GNAZ: variants seen among roughly 807,000 people sequenced by gnomAD.
The protein encoded by GNAZ is guanine nucleotide-binding protein G(z) subunit alpha.
In GNAZ, 3 loss-of-function variants were observed where a neutral mutation model predicts 25.4. The ratio of observed to expected loss-of-function variants is 0.12; its 90% CI spans 0.05 to 0.30. GNAZ has a LOEUF of 0.30. Ranked by LOEUF, GNAZ falls within the 10% of genes least tolerant of loss-of-function variation. The pLI is 1.00. For missense variants in GNAZ, 241 were observed against 501.8 expected (o/e 0.48, Z 4.97); for synonymous variants, 211 against 205.7 (o/e 1.03, Z -0.22).
chr22:23,081,522 GGTTATAGGCCAATAT>G (rs2068677168), intron 1 of GNAZ, among the ~76,000 whole-genome samples: 1 of 139,886 alleles, frequency 7.1e-6, no homozygotes, highest in African/African-American at 3.4e-5. Flanking sequence ...AGGCCAATCA[GGTTATAGGCCAATAT>G]GTTATAGGCC....
At position 23,096,981 on chromosome 22, in the gene GNAZ, G is replaced by A. The variant is rs1018287149; in HGVS notation, c.723+563G>A. 5.3e-5 allele frequency among the ~76,000 whole-genome samples: 8 copies of A among 152,234 alleles called. No homozygotes were observed. In the East Asian group the frequency reaches 1.3e-3, roughly 26 times the overall value. ...AGAGTGGAGTTGCTGGAGAGGGTGG[G>A]GAGCCGGGTGAAGCAGCAGGGCAGT... On this transcript the variant is annotated intron_variant, in intron 2 of 2. Transcript: ENST00000615612.
At chr22:23,116,345 G>A (rs1205949496) in intron 2 of GNAZ, among the ~76,000 whole-genome samples, 1 of 152,268 alleles carries the variant, frequency 6.6e-6, no homozygotes, top group Non-Finnish European at 1.5e-5. Context: ...GTCCGCCTGA[G>A]GGGCCCAGAA....
intron 2 of GNAZ, among the ~76,000 whole-genome samples, chr22:23,121,953 G>C (rs2070041577): frequency 6.6e-6 from 1 of 152,010 alleles, no homozygotes; most frequent in South Asian, 2.1e-4. Context: ...GGCTGGTCTT[G>C]AACTCCTGAC....
chr22:23,119,727 C>A (rs180728497), intron 2 of GNAZ, among the ~76,000 whole-genome samples: 3 of 152,232 alleles, frequency 2.0e-5, no homozygotes, highest in Non-Finnish European at 4.4e-5. Flanking sequence ...GTGCTTCCCA[C>A]GCTCTGAAGC....
intron 2 of GNAZ, among the ~76,000 whole-genome samples, chr22:23,110,328 C>T (rs1472175852): frequency 2.0e-5 from 3 of 152,154 alleles, no homozygotes; most frequent in South Asian, 2.1e-4. Flanking sequence ...GAGGGCATCA[C>T]GGCAGCCCCC....
At position 23,112,053 on chromosome 22, in the gene GNAZ, A is replaced by C. The variant is rs535084689; in HGVS notation, c.724-11034A>C. Among the ~76,000 whole-genome samples the C allele has an allele frequency of 1.8e-4, 27 of 152,196 alleles. 1 individual carries two copies. The highest frequency in any genetic ancestry group is 3.3e-4 in the Admixed American group (5 of 15,286). ...CTGGAGCCTTGGGGGTAACCAGGAAAGGACAGGCACTGCCCCTGGCATTCA... is the reference window on the plus strand; with the variant it reads ...CTGGAGCCTTGGGGGTAACCAGGAACGGACAGGCACTGCCCCTGGCATTCA... On this transcript the variant is annotated intron_variant, in intron 2 of 2. Coordinates refer to ENST00000615612, the MANE Select transcript of GNAZ (RefSeq NM_002073.4).
At chr22:23,117,559 G>A (rs1216031778) in intron 2 of GNAZ, among the ~76,000 whole-genome samples, 1 of 152,218 alleles carries the variant, frequency 6.6e-6, no homozygotes, top group Non-Finnish European at 1.5e-5. Flanking sequence ...ATGAGACCTC[G>A]CAGGTGAGAG....
In GNAZ at chr22:23,095,391, G is replaced by A. The variant is rs973767377; in HGVS notation, c.-305G>A. On this transcript the variant is annotated 5_prime_UTR_variant, in exon 2 of 3. Coordinates refer to ENST00000615612, the MANE Select transcript of GNAZ (RefSeq NM_002073.4). ...GGCAGCAGCCGAGGCAAACACAAGC[G>A]GACGGCTTCCCACCGTCGCCGAGGA... The A allele has an allele frequency of 3.6e-5, 13 of 360,406 alleles. No homozygotes were observed. The Admixed American group carries it at 4.0e-4, about 11-fold the overall frequency. The allele number at this position is 360,406 out of a possible 1,614,324, so 22.3% of individuals were successfully genotyped here. A position where few individuals can be genotyped will look rare whatever the true frequency, so the allele number is the denominator to read the frequency against.
intron 1 of GNAZ, among the ~76,000 whole-genome samples, chr22:23,077,029 A>G (rs2068523569): frequency 6.6e-6 from 1 of 152,228 alleles, no homozygotes; most frequent in Non-Finnish European, 1.5e-5. Context: ...CGTCCAAAGC[A>G]TGCTGTGCTG....
At chr22:23,107,021 C>T (rs568770102) in intron 2 of GNAZ, among the ~76,000 whole-genome samples, 21 of 152,390 alleles carry the variant, frequency 1.4e-4, no homozygotes, top group East Asian at 9.6e-4. Flanking sequence ...GGGAGCAGCA[C>T]GCTCAGCTGT....
chr22:23,090,409 A>T (rs1452375686), intron 1 of GNAZ, among the ~76,000 whole-genome samples: 1 of 151,884 alleles, frequency 6.6e-6, no homozygotes, highest in Non-Finnish European at 1.5e-5. Flanking sequence ...CTCCCCTTTT[A>T]TCACCTGGAT....
chr22:23,123,574 C>T lies in GNAZ; in HGVS notation c.*143C>T, dbSNP rs1021554460. On this transcript the variant is annotated 3_prime_UTR_variant, in exon 3 of 3. Transcript: ENST00000615612. Reference sequence around the variant, plus strand: ...ACCCCTTGGCCTCTGCCTCCTTGGCCCCACATTTCTGCAAACATAAATATT... The same window carrying T: ...ACCCCTTGGCCTCTGCCTCCTTGGCTCCACATTTCTGCAAACATAAATATT... 83 of 608,544 alleles carry T rather than the reference C, an allele frequency of 1.4e-4. No individual in the cohort carries two copies. The highest frequency in any genetic ancestry group is 1.3e-3 in the African/African-American group (69 of 53,980). The allele number at this position is 608,544 out of a possible 1,614,324, so 37.7% of individuals were successfully genotyped here. A position where few individuals can be genotyped will look rare whatever the true frequency, so the allele number is the denominator to read the frequency against.
intron 1 of GNAZ, among the ~76,000 whole-genome samples, chr22:23,073,924 C>T (rs1254329040): frequency 2.1e-5 from 3 of 143,888 alleles, no homozygotes; most frequent in East Asian, 2.0e-4. Context: ...GTGGGGGACA[C>T]GAGATGGGGG....
At chr22:23,080,762 C>A (rs747090626) in intron 1 of GNAZ, among the ~76,000 whole-genome samples, 1 of 152,218 alleles carries the variant, frequency 6.6e-6, no homozygotes, top group Non-Finnish European at 1.5e-5. Context: ...TCAAACACTG[C>A]AAAAGCTATT....
In GNAZ at chr22:23,095,993, C is replaced by T. The variant is rs777109231; in HGVS notation, c.298C>T (p.Arg100Cys). The T allele has an allele frequency of 2.5e-5, 40 of 1,609,448 alleles. No homozygotes were observed. The highest frequency in any genetic ancestry group is 3.1e-5 in the Non-Finnish European group (37 of 1,180,014). Residue 100 changes from arginine (R) to cysteine (C), a missense_variant, in exon 2 of 3, where the codon CGC (arginine) becomes TGC (cysteine). By Grantham distance (180) the Arg-to-Cys change is radical (BLOSUM62 -3). Coordinates refer to ENST00000615612, the MANE Select transcript of GNAZ (RefSeq NM_002073.4). Reference sequence around the variant, plus strand: ...CAGGATCGACTTCCACAACCCCGACCGCGCCTACGACGCTGTGCAGCTCTT... The same window carrying T: ...CAGGATCGACTTCCACAACCCCGACTGCGCCTACGACGCTGTGCAGCTCTT... ...ALRIDFHNPD[R>C]AYDAVQLFAL...
At chr22:23,114,917 A>G in intron 2 of GNAZ, among the ~76,000 whole-genome samples, 1 of 152,168 alleles carries the variant, frequency 6.6e-6, no homozygotes, top group East Asian at 1.9e-4. Flanking sequence ...GGAAAGGGAG[A>G]GGGCAGTGGG....
chr22:23,087,724 GTCT>G (rs909251408), intron 1 of GNAZ, among the ~76,000 whole-genome samples: 1 of 152,176 alleles, frequency 6.6e-6, no homozygotes, highest in African/African-American at 2.4e-5. Context: ...AATTGAAACT[GTCT>G]TCTTGTTCAG....
rs987947366 is a variant in GNAZ at position 23,123,591 on chromosome 22, A to T, written c.*160A>T. 5.0e-6 allele frequency: 3 copies of T among 603,660 alleles called. No homozygotes were observed. Among genetic ancestry groups the T allele is most frequent in the Non-Finnish European group, 8.8e-6 (3 of 339,288 alleles). 37.4% of individuals were successfully genotyped at this position (603,660 alleles called of 1,614,324 possible). On this transcript the variant is annotated 3_prime_UTR_variant, in exon 3 of 3. Transcript: ENST00000615612. ...TCCTTGGCCCCACATTTCTGCAAAC[A>T]TAAATATTTACGGATAGATTGCTAG...
chr22:23,117,889 A>G, intron 2 of GNAZ, among the ~76,000 whole-genome samples: 1 of 152,140 alleles, frequency 6.6e-6, no homozygotes, highest in East Asian at 1.9e-4. Flanking sequence ...CACCACCCCC[A>G]CAACTAACCA....
Sources: allele counts gnomAD v4.1 joint callset (sites outside exome capture counted in the v4.1 genomes callset), GRCh38; gene constraint gnomAD v4.1.1; transcripts MANE v1.5; gene names NCBI Gene and HGNC (gene_info 2026-07-23, HGNC 2026-07-21).